Variants in HECTD2 observed in about 807,000 individuals in gnomAD.
HECTD2 encodes the protein probable E3 ubiquitin-protein ligase HECTD2.
HECTD2 carries 35 observed loss-of-function variants against 103.2 expected under a neutral mutation model. The observed-to-expected ratio is 0.34, with a 90% CI of 0.26 to 0.45. The LOEUF (loss-of-function observed/expected upper bound fraction) is 0.45, where lower values mean the gene tolerates loss of function less well. Ranked by LOEUF, HECTD2 falls within the 20% of genes least tolerant of loss-of-function variation. The pLI is 1.00. For missense variants in HECTD2, 596 were observed against 937.4 expected, an observed-to-expected ratio of 0.64 and a Z score of 4.76; for synonymous variants, 281 against 329.9, an observed-to-expected ratio of 0.85 and a Z score of 1.61.
Position 91,461,281 on chromosome 10 carries a change from A to G in HECTD2, c.435A>G (p.Ser145=). 1 of 1,541,860 alleles carries G rather than the reference A, an allele frequency of 6.5e-7. No homozygotes were observed. The highest frequency in any genetic ancestry group is 8.8e-7 in the Non-Finnish European group (1 of 1,141,092). The change falls in exon 4 of 21, where the codon TCA becomes TCG. Residue 145 remains serine (S), a synonymous_variant. Coordinates refer to ENST00000298068, the MANE Select transcript of HECTD2 (RefSeq NM_182765.6). ...AAGATGTAGAAAAAGTTAAGTCATC[A>G]GGAGATTGGAAAGCAGTACATGATT... ...FQEDVEKVKS[S]GDWKAVHDFY...
intron 2 of HECTD2, among the ~76,000 whole-genome samples, chr10:91,431,270 C>A (rs1564703640): frequency 6.6e-6 from 1 of 151,846 alleles, no homozygotes; most frequent in Non-Finnish European, 1.5e-5. Flanking sequence ...GATGGGCTTC[C>A]CTTTGTGGGT....
At chr10:91,479,246 A>ATT (rs1846008347) in intron 6 of HECTD2, among the ~76,000 whole-genome samples, 1 of 152,070 alleles carries the variant, frequency 6.6e-6, no homozygotes, top group Admixed American at 6.6e-5. Context: ...GCACATTCCT[A>ATT]TTACTGGTTT....
intron 19 of HECTD2, among the ~76,000 whole-genome samples, chr10:91,500,962 T>C (rs578008979): frequency 6.6e-6 from 1 of 152,244 alleles, no homozygotes; most frequent in South Asian, 2.1e-4. Context: ...AGAAAAATGG[T>C]TCCTGTACTA....
At position 91,427,186 on chromosome 10, in the gene HECTD2, T is replaced by A. The variant is rs528292460; in HGVS notation, c.268+1776T>A. ...CCCTACAAAGGACATGAACTCATCATTTTTTATGGCTGCATAGTATTCCAC... is the reference window on the plus strand; with the variant it reads ...CCCTACAAAGGACATGAACTCATCAATTTTTATGGCTGCATAGTATTCCAC... On this transcript the variant is annotated intron_variant, in intron 2 of 20. Coordinates refer to ENST00000298068, the MANE Select transcript of HECTD2 (RefSeq NM_182765.6). Among the ~76,000 whole-genome samples, 21 of 151,978 alleles carry A rather than the reference T, an allele frequency of 1.4e-4. No homozygotes were observed. The East Asian group carries it at 4.1e-3, about 29-fold the overall frequency.
At chr10:91,417,520 G>A (rs559412002) in intron 1 of HECTD2, among the ~76,000 whole-genome samples, 78 of 141,432 alleles carry the variant, frequency 5.5e-4, no homozygotes, top group South Asian at 1.7e-3. Context: ...ATCCCTCCCC[G>A]CCCCCCCACA....
intron 7 of HECTD2, among the ~76,000 whole-genome samples, chr10:91,481,608 T>A (rs760350962): frequency 1.1e-4 from 17 of 151,680 alleles, no homozygotes; most frequent in African/African-American, 3.9e-4. Context: ...GGTTTTTTTT[T>A]AATTTGTTAT....
At chr10:91,510,281 T>C (rs1244530096) in intron 20 of HECTD2, among the ~76,000 whole-genome samples, 1 of 152,208 alleles carries the variant, frequency 6.6e-6, no homozygotes, top group African/African-American at 2.4e-5. Flanking sequence ...TGGCCAAGAT[T>C]GCAAAGCAAA....
intron 2 of HECTD2, among the ~76,000 whole-genome samples, chr10:91,434,790 C>T (rs111631819): frequency 0.033 from 5,063 of 151,948 alleles, 188 homozygotes; most frequent in African/African-American, 0.084. Context: ...ATTCTAGCTC[C>T]GTAACATACA....
intron 5 of HECTD2, among the ~76,000 whole-genome samples, chr10:91,470,946 T>A (rs145092388): frequency 6.6e-6 from 1 of 151,948 alleles, no homozygotes; most frequent in African/African-American, 2.4e-5. Context: ...CAGCATCATC[T>A]TGATATCATC....
intron 2 of HECTD2, among the ~76,000 whole-genome samples, chr10:91,452,618 A>G (rs1844884705): frequency 6.6e-6 from 1 of 151,932 alleles, no homozygotes; most frequent in Non-Finnish European, 1.5e-5. Flanking sequence ...AGGAGGAGAT[A>G]TTTGAGCTAG....
chr10:91,467,856 A>G (rs983240736), intron 5 of HECTD2, among the ~76,000 whole-genome samples: 12 of 151,986 alleles, frequency 7.9e-5, no homozygotes, highest in Admixed American at 2.0e-4. Context: ...TGCTGCAAAA[A>G]TGCACACGGA....
intron 2 of HECTD2, among the ~76,000 whole-genome samples, chr10:91,429,711 G>T (rs1325651207): frequency 1.2e-4 from 19 of 152,066 alleles, no homozygotes; most frequent in Non-Finnish European, 2.1e-4. Context: ...ATTTCTGTGG[G>T]ATCAGTGGTG....
intron 2 of HECTD2, among the ~76,000 whole-genome samples, chr10:91,433,202 G>A (rs901715347): frequency 6.6e-6 from 1 of 151,814 alleles, no homozygotes; most frequent in Admixed American, 6.6e-5. Context: ...TGTTCCTATG[G>A]GAAGAGTTAT....
intron 1 of HECTD2, among the ~76,000 whole-genome samples, chr10:91,420,552 C>T (rs1341226945): frequency 6.6e-6 from 1 of 150,610 alleles, no homozygotes; most frequent in Admixed American, 6.6e-5. Flanking sequence ...CGTGCCACTG[C>T]ACTCCAGCCT....
intron 20 of HECTD2, among the ~76,000 whole-genome samples, chr10:91,504,449 A>C (rs1847057109): frequency 6.6e-6 from 1 of 152,190 alleles, no homozygotes; most frequent in Non-Finnish European, 1.5e-5. Context: ...GATGGAGCTG[A>C]AAACCAAGGC....
At chr10:91,410,234 CGCGTCCGCGGGGCTG>C (rs1443128016), upstream of HECTD2, 1 of 152,028 alleles carries the variant, frequency 6.6e-6, no homozygotes, top group East Asian at 2.0e-4. Flanking sequence ...TGTGGGGAGC[CGCGTCCGCGGGGCTG>C]GCGCGCGCGG....
At chr10:91,473,255 C>G (rs1450485368) in intron 5 of HECTD2, among the ~76,000 whole-genome samples, 1 of 152,164 alleles carries the variant, frequency 6.6e-6, no homozygotes, top group Non-Finnish European at 1.5e-5. Context: ...AATTATTTGG[C>G]TGTCAGCAGA....
chr10:91,476,511 G>C (rs889062569), intron 5 of HECTD2, among the ~76,000 whole-genome samples: 1 of 152,150 alleles, frequency 6.6e-6, no homozygotes, highest in Non-Finnish European at 1.5e-5. Flanking sequence ...AAGCCTCTAG[G>C]CTTCTCAGAA....
chr10:91,483,906 T>TA (rs1221152578), intron 8 of HECTD2, among the ~76,000 whole-genome samples: 1 of 151,940 alleles, frequency 6.6e-6, no homozygotes, highest in African/African-American at 2.4e-5. Context: ...TTCTCTAACA[T>TA]ACATATTTTC....
Sources: allele counts gnomAD v4.1 joint callset (sites outside exome capture counted in the v4.1 genomes callset), GRCh38; gene constraint gnomAD v4.1.1; transcripts MANE v1.5; gene names NCBI Gene and HGNC (gene_info 2026-07-23, HGNC 2026-07-21).